TNKS: variants seen among roughly 807,000 people sequenced by gnomAD.
TNKS encodes poly [ADP-ribose] polymerase tankyrase-1.
TNKS carries 72 observed loss-of-function variants against 135.8 expected under a neutral mutation model. That is an observed-to-expected ratio of 0.53 (90% CI 0.44 to 0.64). The LOEUF (loss-of-function observed/expected upper bound fraction) is 0.64. TNKS is among the 30% of genes least tolerant of loss of function. TNKS has a pLI of 0.00. For synonymous variants in TNKS, 849 were observed against 649.3 expected, an observed-to-expected ratio of 1.31 and a Z score of -4.68; for missense variants, 1,769 against 1,674.0, an observed-to-expected ratio of 1.06 and a Z score of -0.99.
At chr8:9,707,837 T>C (rs1193180056) in intron 8 of TNKS, among the ~76,000 whole-genome samples, 8 of 152,226 alleles carry the variant, frequency 5.3e-5, no homozygotes, top group Admixed American at 1.3e-4. Flanking sequence ...CTAATCACCA[T>C]TGATATTTTG....
At chr8:9,612,763 G>A (rs1056809255) in intron 2 of TNKS, among the ~76,000 whole-genome samples, 1 of 152,156 alleles carries the variant, frequency 6.6e-6, no homozygotes, top group East Asian at 1.9e-4. Flanking sequence ...ACAACGTGCA[G>A]TTTAAAATTC....
intron 2 of TNKS, among the ~76,000 whole-genome samples, chr8:9,598,669 C>G (rs1029943676): frequency 1.3e-5 from 2 of 149,016 alleles, no homozygotes; most frequent in African/African-American, 5.0e-5. Context: ...CCACTGCAGT[C>G]TAGCCTGGGC....
At chr8:9,766,196 G>A in intron 24 of TNKS, 43 bp from the exon 25 acceptor site, 4 of 1,548,646 alleles carry the variant, frequency 2.6e-6, no homozygotes, top group Non-Finnish European at 3.5e-6. Flanking sequence ...TGAGCTTCTA[G>A]AAAAGTGTTC....
At chr8:9,574,374 A>G (rs1797865358) in intron 1 of TNKS, among the ~76,000 whole-genome samples, 1 of 152,166 alleles carries the variant, frequency 6.6e-6, no homozygotes, top group Non-Finnish European at 1.5e-5. Context: ...TCTTTGCTTT[A>G]TAACCTATCC....
chr8:9,680,155 A>G (rs963940648), intron 4 of TNKS, among the ~76,000 whole-genome samples, 168 bp downstream of exon 4: 1 of 152,138 alleles, frequency 6.6e-6, no homozygotes, highest in African/African-American at 2.4e-5. Flanking sequence ...ATATAATAAA[A>G]TCTTTTCATG....
Position 9,780,289 on chromosome 8 carries a change from G to T in TNKS, c.*3553G>T, listed in dbSNP as rs994722085. On this transcript the variant is annotated 3_prime_UTR_variant, in exon 27 of 27. Transcript: ENST00000310430. ...TATTTTCAAGCACCTTTCCCCCATT[G>T]TATCCGAATCCCTCTTGTGTGATAT... is the stretch of plus-strand genomic sequence containing the variant. The T allele has an allele frequency of 6.7e-6, 1 of 149,330 alleles. No homozygotes were observed. 9.3% of individuals were successfully genotyped at this position (149,330 alleles called of 1,614,324 possible).
Position 9,576,466 on chromosome 8 carries a change from C to CTT in TNKS, c.674-3672_674-3671dup, listed in dbSNP as rs915555599. 2.7e-3 allele frequency among the ~76,000 whole-genome samples: 359 copies of CTT among 131,408 alleles called. 2 individuals are homozygous for CTT. Among genetic ancestry groups the CTT allele is most frequent in the African/African-American group, 7.1e-3 (252 of 35,460 alleles). The allele number at this position is 131,408 out of a possible 152,430, so 86.2% of individuals were successfully genotyped here. A position where few individuals can be genotyped will look rare whatever the true frequency, so the allele number is the denominator to read the frequency against. On this transcript the variant is annotated intron_variant, in intron 1 of 26. Transcript: ENST00000310430. ...AAGCGGGAGGTGCCACCACCCCCCTCTTTTTTTTTTTTTTTTTTTTTTGAG... is the reference window on the plus strand; with the variant it reads ...AAGCGGGAGGTGCCACCACCCCCCTCTTTTTTTTTTTTTTTTTTTTTTTTGAG...
chr8:9,761,630 C>T lies in TNKS; in HGVS notation c.3268C>T (p.Gln1090Ter). ...IKGVERLLGG[Q>*]QGTNPYLTFH... ...AGGAGTAGAAAGACTCTTAGGTGGA[C>T]AACAAGGTAAGCTATTCAGAAAAAA... is the stretch of plus-strand genomic sequence containing the variant. The change falls in exon 21 of 27, where the codon CAA becomes TAA. Residue 1090 changes from glutamine to a stop codon, truncating the protein, a stop_gained. Coordinates refer to ENST00000310430, the MANE Select transcript of TNKS (RefSeq NM_003747.3). LOFTEE classifies it high-confidence loss of function. The T allele has an allele frequency of 6.3e-7, 1 of 1,575,600 alleles. No individual in the cohort carries two copies. Among genetic ancestry groups the T allele is most frequent in the Non-Finnish European group, 8.6e-7 (1 of 1,168,440 alleles).
At chr8:9,646,776 G>A (rs1269069052) in intron 3 of TNKS, among the ~76,000 whole-genome samples, 1 of 152,054 alleles carries the variant, frequency 6.6e-6, no homozygotes, top group Non-Finnish European at 1.5e-5. Flanking sequence ...CAGCTTCTAG[G>A]TTTTGGTGCT....
chr8:9,733,211 T>A, intron 14 of TNKS, 68 bp from the exon 15 acceptor site: 1 of 1,456,626 alleles, frequency 6.9e-7, no homozygotes, highest in Non-Finnish European at 9.2e-7. Context: ...TGGTAGGATT[T>A]TTATTATAAG....
At position 9,676,224 on chromosome 8, in the gene TNKS, G is replaced by C. The variant is rs190434992; in HGVS notation, c.995-3727G>C. Among the ~76,000 whole-genome samples, 277 of 151,908 alleles carry C rather than the reference G, an allele frequency of 1.8e-3. 2 individuals carry two copies. The highest frequency in any genetic ancestry group is 6.4e-3 in the African/African-American group (265 of 41,438). On this transcript the variant is annotated intron_variant, in intron 3 of 26. Transcript: ENST00000310430. Reference sequence around the variant, plus strand: ...GATGGGGTTTCACCATGTTGGCCAGGCTAGTCTCGAACTCCTGACCTCAGG... The same window carrying C: ...GATGGGGTTTCACCATGTTGGCCAGCCTAGTCTCGAACTCCTGACCTCAGG...
intron 12 of TNKS, among the ~76,000 whole-genome samples, chr8:9,721,592 C>T (rs1804882549): frequency 6.6e-6 from 1 of 150,486 alleles, no homozygotes; most frequent in South Asian, 2.1e-4. Flanking sequence ...AGTCAGAAGT[C>T]CTGGTTACTT....
rs966963400 is a variant in TNKS, at chr8:9,640,698, C to G, written c.994+25021C>G. On this transcript the variant is annotated intron_variant, in intron 3 of 26. Coordinates refer to ENST00000310430, the MANE Select transcript of TNKS (RefSeq NM_003747.3). ...AAGAAAATAGCACCTAATGTAGGAG[C>G]TGGCCTGACATAGCTAGGTCATGTT... is the stretch of plus-strand genomic sequence containing the variant. Among the ~76,000 whole-genome samples the G allele has an allele frequency of 2.1e-5, 3 of 145,994 alleles. 1 individual carries two copies. In the East Asian group the frequency reaches 6.3e-4, roughly 31 times the overall value.
At chr8:9,616,911 A>G (rs1012696067) in intron 3 of TNKS, among the ~76,000 whole-genome samples, 1 of 152,176 alleles carries the variant, frequency 6.6e-6, no homozygotes, top group Non-Finnish European at 1.5e-5. Flanking sequence ...TCTCTTAACA[A>G]AGCCCTGGGC....
chr8:9,730,668 T>G (rs1805391989), intron 13 of TNKS, among the ~76,000 whole-genome samples: 1 of 152,220 alleles, frequency 6.6e-6, no homozygotes, highest in Non-Finnish European at 1.5e-5. Flanking sequence ...TTGGGAAATG[T>G]TGAAAAACAT....
intron 3 of TNKS, among the ~76,000 whole-genome samples, chr8:9,626,200 G>A (rs1585247191): frequency 6.6e-6 from 1 of 152,088 alleles, no homozygotes; most frequent in Non-Finnish European, 1.5e-5. Flanking sequence ...TTTATATGAT[G>A]TTAACATAGC....
rs771678606 is a variant in TNKS, at chr8:9,780,050, A to G, written c.*3314A>G. ...TGAATATGGCAAGCAAATAATGTAG[A>G]TTAACATTCTATTATTGTATCCGTT... On this transcript the variant is annotated 3_prime_UTR_variant, in exon 27 of 27. Transcript: ENST00000310430. 3.3e-5 allele frequency: 5 copies of G among 152,192 alleles called. No individual in the cohort carries two copies. The highest frequency in any genetic ancestry group is 7.3e-5 in the Non-Finnish European group (5 of 68,042). The allele number at this position is 152,192 out of a possible 1,614,324, so 9.4% of individuals were successfully genotyped here. A position where few individuals can be genotyped will look rare whatever the true frequency, so the allele number is the denominator to read the frequency against.
rs995108237 is a variant in TNKS at position 9,781,584 on chromosome 8, C to A, written c.*4848C>A. On this transcript the variant is annotated 3_prime_UTR_variant, in exon 27 of 27. Transcript: ENST00000310430. ...GTGCATATAACACCTGCTTCTGCTC[C>A]CATTGTTTCAAGCTCATCTTATCTT... 1.4e-4 allele frequency: 21 copies of A among 152,506 alleles called. No homozygotes were observed. The highest frequency in any genetic ancestry group is 5.1e-4 in the African/African-American group (21 of 41,446). The allele number at this position is 152,506 out of a possible 1,614,324, so 9.4% of individuals were successfully genotyped here.
intron 2 of TNKS, among the ~76,000 whole-genome samples, chr8:9,595,722 G>A (rs4612344): frequency 0.12 from 18,940 of 152,058 alleles, 1,511 homozygotes; most frequent in African/African-American, 0.23. Context: ...CTTTTTTACA[G>A]TGATGCAAGG....
Sources: gnomAD v4.1 joint callset for allele counts (sites outside exome capture counted in the v4.1 genomes callset) on GRCh38, gnomAD v4.1.1 for gene constraint, MANE v1.5 for transcripts, NCBI Gene and HGNC (gene_info 2026-07-23, HGNC 2026-07-21) for gene names.